The following FAM185A variants were observed in gnomAD, a reference collection of about 807,000 sequenced individuals.
FAM185A encodes the protein protein FAM185A.
A neutral mutation model predicts 45.7 loss-of-function variants in FAM185A; 21 were observed. The ratio of observed to expected loss-of-function variants is 0.46; its 90% CI spans 0.33 to 0.66. The LOEUF is 0.66. Ranked by LOEUF, FAM185A falls within the 30% of genes least tolerant of loss-of-function variation. The pLI, the probability that FAM185A is intolerant of heterozygous loss-of-function variation, is 0.03. For missense variants in FAM185A, 305 were observed against 485.4 expected (o/e 0.63, Z 3.49); for synonymous variants, 117 against 194.0 (o/e 0.60, Z 3.30).
At chr7:102,845,490 A>C in the FAM185A span, among the ~76,000 whole-genome samples, 1 of 152,342 alleles carries the variant, frequency 6.6e-6, no homozygotes, top group Middle Eastern at 3.4e-3. Context: ...GTGCCAAAAT[A>C]CTGAATAGAT....
At chr7:102,756,262 A>G (rs545846058) in intron 2 of FAM185A, among the ~76,000 whole-genome samples, 1 of 152,230 alleles carries the variant, frequency 6.6e-6, no homozygotes, top group South Asian at 2.1e-4. Flanking sequence ...GACGTATATA[A>G]TGATTAAGGG....
At chr7:102,845,692 C>G in the FAM185A span, among the ~76,000 whole-genome samples, 1 of 152,212 alleles carries the variant, frequency 6.6e-6, no homozygotes, top group African/African-American at 2.4e-5. Flanking sequence ...CTCCCTGTTA[C>G]TTCCCTTGTT....
intron 4 of FAM185A, among the ~76,000 whole-genome samples, chr7:102,769,442 A>T (rs1794613511): frequency 6.6e-6 from 1 of 152,158 alleles, no homozygotes; most frequent in African/African-American, 2.4e-5. Flanking sequence ...TATTTTAAAA[A>T]AAATTGTAAA....
chr7:102,779,607 G>GT (rs1231970187), intron 6 of FAM185A: 1 of 152,034 alleles, frequency 6.6e-6, no homozygotes, highest in African/African-American at 2.4e-5. Flanking sequence ...GGTTGTTTTT[G>GT]TTTTGTTTTT....
At chr7:102,794,340 A>G (rs1353487345) in intron 7 of FAM185A, among the ~76,000 whole-genome samples, 1 of 152,242 alleles carries the variant, frequency 6.6e-6, no homozygotes, top group Non-Finnish European at 1.5e-5. Context: ...CAAAAGTTTA[A>G]TCTTGTAACT....
the FAM185A span, among the ~76,000 whole-genome samples, chr7:102,831,367 A>G: frequency 1.3e-5 from 2 of 150,382 alleles, no homozygotes; most frequent in Admixed American, 6.6e-5. Flanking sequence ...GAGGGCAGGC[A>G]TGCTGTTAAA....
At chr7:102,822,013 G>A in the FAM185A span, 1 of 1,611,438 alleles carries the variant, frequency 6.2e-7, no homozygotes, top group East Asian at 2.2e-5. Context: ...GTTCTCAAAA[G>A]TTTGTCATAG....
rs185284055 is a variant in FAM185A at position 102,759,578 on chromosome 7, A to G, written c.654+1632A>G. ...GAAATGTGATTTGGATATTTGAGAGACAAATATAGTGAATTAGTTAAGAGC... is the reference window on the plus strand; with the variant it reads ...GAAATGTGATTTGGATATTTGAGAGGCAAATATAGTGAATTAGTTAAGAGC... On this transcript the variant is annotated intron_variant, in intron 3 of 7. Coordinates refer to ENST00000413034, the MANE Select transcript of FAM185A (RefSeq NM_001145268.2). Among the ~76,000 whole-genome samples, 44 of 152,258 alleles carry G rather than the reference A, an allele frequency of 2.9e-4. No individual in the cohort carries two copies. The East Asian group carries it at 7.5e-3, about 26-fold the overall frequency.
chr7:102,822,044 A>G, the FAM185A span: 1 of 1,614,180 alleles, frequency 6.2e-7, no homozygotes, highest in Non-Finnish European at 8.5e-7. Context: ...ACTTACTTGG[A>G]AATATTTGTG....
At chr7:102,796,859 T>G (rs1303356778) in intron 7 of FAM185A, among the ~76,000 whole-genome samples, 1 of 152,122 alleles carries the variant, frequency 6.6e-6, no homozygotes, top group African/African-American at 2.4e-5. Flanking sequence ...AGACCAAAAT[T>G]GAATTTCTAT....
downstream of FAM185A, among the ~76,000 whole-genome samples, chr7:102,813,049 G>C (rs952058798): frequency 1.3e-5 from 2 of 152,006 alleles, no homozygotes; most frequent in African/African-American, 4.8e-5. Flanking sequence ...CACCATGTTG[G>C]CCAGGCTGGT....
downstream of FAM185A, among the ~76,000 whole-genome samples, chr7:102,811,092 A>G (rs7780981): frequency 0.24 from 36,101 of 152,092 alleles, 5,239 homozygotes; most frequent in East Asian, 0.59. Context: ...GAAACTGTGT[A>G]GCAGTGAGGC....
chr7:102,815,814 T>C, the FAM185A span, among the ~76,000 whole-genome samples: 1 of 152,054 alleles, frequency 6.6e-6, no homozygotes, highest in African/African-American at 2.4e-5. Flanking sequence ...TTGAGTCCTA[T>C]GGTTGCTCAG....
chr7:102,775,009 T>C (rs1794971945), intron 5 of FAM185A, among the ~76,000 whole-genome samples: 1 of 119,586 alleles, frequency 8.4e-6, no homozygotes, highest in African/African-American at 2.6e-5. Context: ...GTTTTGTTTT[T>C]GTTTTTTTTT....
the FAM185A span, chr7:102,834,458 TA>T: frequency 4.0e-5 from 2 of 50,086 alleles, no homozygotes; most frequent in East Asian, 1.4e-3. Context: ...TATGTGATTA[TA>T]TATATATATA....
At chr7:102,770,757 T>G (rs1794700036) in intron 4 of FAM185A, among the ~76,000 whole-genome samples, 1 of 152,120 alleles carries the variant, frequency 6.6e-6, no homozygotes, top group Admixed American at 6.5e-5. Context: ...ACACTGTTGG[T>G]GGGAATGTAA....
intron 7 of FAM185A, among the ~76,000 whole-genome samples, chr7:102,788,212 G>A (rs1205571793): frequency 2.6e-5 from 4 of 152,046 alleles, no homozygotes; most frequent in Non-Finnish European, 5.9e-5. Flanking sequence ...CAGGTGATCA[G>A]CCCACCTCAG....
chr7:102,778,470 A>T (rs1481750760), intron 6 of FAM185A, among the ~76,000 whole-genome samples: 1 of 152,404 alleles, frequency 6.6e-6, no homozygotes, highest in African/African-American at 2.4e-5. Flanking sequence ...CAGAGTAAGA[A>T]CAAAGTTTTG....
chr7:102,762,537 A>G (rs983693671), intron 4 of FAM185A, among the ~76,000 whole-genome samples: 2 of 152,172 alleles, frequency 1.3e-5, no homozygotes, highest in African/African-American at 2.4e-5. Flanking sequence ...TCACCTCTAT[A>G]GTAAAGCTGG....
Sources: allele counts gnomAD v4.1 joint callset (sites outside exome capture counted in the v4.1 genomes callset), GRCh38; gene constraint gnomAD v4.1.1; transcripts MANE v1.5; gene names NCBI Gene and HGNC (gene_info 2026-07-23, HGNC 2026-07-21).